The following MLIP variants were observed in gnomAD, a reference collection of about 807,000 sequenced individuals.
MLIP encodes the protein muscular LMNA-interacting protein.
In MLIP, 79 loss-of-function variants were observed where a neutral mutation model predicts 84.8. The observed-to-expected ratio is 0.93, with a 90% CI of 0.78 to 1.12. The LOEUF (loss-of-function observed/expected upper bound fraction) is 1.12, where lower values mean the gene tolerates loss of function less well. MLIP is among the 50% of genes most tolerant of loss of function. The pLI is 0.00. For synonymous variants in MLIP, 504 were observed against 463.0 expected (o/e 1.09, Z -1.14); for missense variants, 1,257 against 1,160.6 (o/e 1.08, Z -1.21).
At chr6:54,165,816 A>G (rs1040065659) in intron 8 of MLIP, among the ~76,000 whole-genome samples, 1 of 151,920 alleles carries the variant, frequency 6.6e-6, no homozygotes, top group Non-Finnish European at 1.5e-5. Context: ...AAATATATGA[A>G]GGTATTAGGA....
intron 10 of MLIP, among the ~76,000 whole-genome samples, chr6:54,200,774 A>G (rs943314208): frequency 1.3e-5 from 2 of 152,154 alleles, no homozygotes; most frequent in African/African-American, 4.8e-5. Flanking sequence ...CAGTTTGGGG[A>G]AGATAGAGAC....
chr6:54,138,846 C>A (rs190954453), intron 4 of MLIP, among the ~76,000 whole-genome samples: 14 of 152,242 alleles, frequency 9.2e-5, no homozygotes, highest in Admixed American at 7.8e-4. Context: ...TTGTGGATCA[C>A]CCATACCCAG....
intron 1 of MLIP, among the ~76,000 whole-genome samples, chr6:54,120,787 G>T (rs1192670970): frequency 6.6e-6 from 1 of 151,936 alleles, no homozygotes; most frequent in Non-Finnish European, 1.5e-5. Context: ...CTTCATCACT[G>T]TTCCCTTAGT....
intron 5 of MLIP, among the ~76,000 whole-genome samples, chr6:54,155,049 T>C (rs1274376035): frequency 1.3e-5 from 2 of 152,156 alleles, no homozygotes; most frequent in Non-Finnish European, 2.9e-5. Flanking sequence ...CATTTAACTT[T>C]CCAAAGCTCT....
Position 54,122,997 on chromosome 6 carries a change from T to A in MLIP, c.252+1395T>A, listed in dbSNP as rs375836995. 5.7e-3 allele frequency among the ~76,000 whole-genome samples: 867 copies of A among 152,096 alleles called. 7 individuals carry two copies. Among genetic ancestry groups the A allele is most frequent in the African/African-American group, 0.019 (808 of 41,496 alleles). On this transcript the variant is annotated intron_variant, in intron 2 of 13. Transcript: ENST00000502396. ...CCCAGGCTAGAGTGCAGTGGCGCGA[T>A]CTCGGCTCACTGCAAGCTCCGCCTC... is the stretch of plus-strand genomic sequence containing the variant.
intron 1 of MLIP, among the ~76,000 whole-genome samples, chr6:54,076,783 T>C (rs1183895852): frequency 6.6e-6 from 1 of 152,188 alleles, no homozygotes; most frequent in African/African-American, 2.4e-5. Flanking sequence ...CAGCGGATCA[T>C]GGGGACGGGT....
At chr6:54,061,306 G>A (rs888423664) in intron 1 of MLIP, among the ~76,000 whole-genome samples, 1 of 152,110 alleles carries the variant, frequency 6.6e-6, no homozygotes, top group African/African-American at 2.4e-5. Flanking sequence ...GACCAGATCA[G>A]CAGTAGACAA....
At chr6:54,210,815 C>T (rs1378369577) in intron 11 of MLIP, among the ~76,000 whole-genome samples, 1 of 151,400 alleles carries the variant, frequency 6.6e-6, no homozygotes, top group East Asian at 1.9e-4. Context: ...ATCCAAATAT[C>T]AATTTTCCTT....
rs1020131739 is a variant in MLIP, at chr6:54,111,484, T to G, written c.5T>G (p.Leu2Arg). Residue 2 changes from leucine to arginine, a missense_variant, in exon 1 of 14, where the codon CTT becomes CGT. Transcript: ENST00000502396. Reference protein sequence around the residue: MLSEQGLLSDCG... With the variant: MRSEQGLLSDCG... ...GCTCCCTTATGTGATGAATCAATGC[T>G]TTCAGAACAGGGGCTTCTGAGTGAC... 7.2e-6 allele frequency: 11 copies of G among 1,535,924 alleles called. No homozygotes were observed. The Admixed American group carries it at 2.2e-4, about 30-fold the overall frequency.
intron 5 of MLIP, among the ~76,000 whole-genome samples, chr6:54,159,467 A>G (rs1434903039): frequency 6.6e-6 from 1 of 152,120 alleles, no homozygotes; most frequent in Non-Finnish European, 1.5e-5. Context: ...ATAAAAAACT[A>G]TCTGAAGGTA....
At chr6:54,025,695 T>C (rs1415594127) in intron 1 of MLIP, among the ~76,000 whole-genome samples, 1 of 152,106 alleles carries the variant, frequency 6.6e-6, no homozygotes, top group Non-Finnish European at 1.5e-5. Flanking sequence ...AGGGACAATT[T>C]TGATGGTAGA....
At chr6:54,161,995 A>T (rs1774689843) in intron 8 of MLIP, among the ~76,000 whole-genome samples, 1 of 151,976 alleles carries the variant, frequency 6.6e-6, no homozygotes, top group Non-Finnish European at 1.5e-5. Context: ...ATGAATAGTA[A>T]TCTATATTAC....
intron 1 of MLIP, among the ~76,000 whole-genome samples, chr6:54,080,840 GTA>G (rs1353653462): frequency 6.6e-6 from 1 of 151,086 alleles, no homozygotes; most frequent in African/African-American, 2.4e-5. Flanking sequence ...AACTTTTAAA[GTA>G]TAGTTTTTTT....
intron 1 of MLIP, among the ~76,000 whole-genome samples, chr6:54,060,073 C>T (rs1336267002): frequency 1.5e-5 from 1 of 65,136 alleles, no homozygotes; most frequent in Non-Finnish European, 5.8e-5. Flanking sequence ...TTTAAACTCA[C>T]TTTATAAATA....
At chr6:54,070,895 A>G (rs1156290946) in intron 1 of MLIP, among the ~76,000 whole-genome samples, 1 of 152,194 alleles carries the variant, frequency 6.6e-6, no homozygotes, top group Non-Finnish European at 1.5e-5. Flanking sequence ...ATAGTGCCTA[A>G]TTCTACACTG....
At chr6:54,052,546 A>T (rs1765433872) in intron 1 of MLIP, among the ~76,000 whole-genome samples, 1 of 152,204 alleles carries the variant, frequency 6.6e-6, no homozygotes. Context: ...ACACAAAATA[A>T]CTGAAATGGT....
chr6:54,102,016 C>T (rs1407363154), intron 1 of MLIP, among the ~76,000 whole-genome samples: 2 of 152,034 alleles, frequency 1.3e-5, no homozygotes, highest in African/African-American at 4.8e-5. Context: ...CTGGCTACTG[C>T]GTTGTTATAT....
At chr6:54,022,301 A>G (rs1259020595) in intron 1 of MLIP, among the ~76,000 whole-genome samples, 1 of 152,226 alleles carries the variant, frequency 6.6e-6, no homozygotes, top group Non-Finnish European at 1.5e-5. Context: ...AGTGTTTCCT[A>G]AACTCGCCTA....
chr6:54,137,245 C>T lies in MLIP; in HGVS notation c.1176C>T (p.Cys392=), dbSNP rs1443305076. The change falls in exon 4 of 14, where the codon TGC becomes TGT. Residue 392 remains cysteine (C), a synonymous_variant. Transcript: ENST00000502396. ...TCCACGGCTCTTCTTCCACCATCTGCAGCCAAATGTCATCTAGTGGAAATC... is the reference window on the plus strand; with the variant it reads ...TCCACGGCTCTTCTTCCACCATCTGTAGCCAAATGTCATCTAGTGGAAATC... The part of the protein sequence containing the change: ...SSFHGSSSTI[C]SQMSSSGNLS... 1 of 1,536,098 alleles carries T rather than the reference C, an allele frequency of 6.5e-7. No individual in the cohort carries two copies. Among genetic ancestry groups the T allele is most frequent in the Non-Finnish European group, 8.7e-7 (1 of 1,146,912 alleles).
Sources: allele counts gnomAD v4.1 joint callset (sites outside exome capture counted in the v4.1 genomes callset), GRCh38; gene constraint gnomAD v4.1.1; transcripts MANE v1.5; gene names NCBI Gene and HGNC (gene_info 2026-07-23, HGNC 2026-07-21).